Variants in ROBO1 observed in about 807,000 individuals in gnomAD.
ROBO1 encodes roundabout guidance receptor 1.
ROBO1 carries 149 observed loss-of-function variants against 195.9 expected under a neutral mutation model. The observed-to-expected ratio is 0.76, with a 90% CI of 0.67 to 0.87. ROBO1 has a LOEUF of 0.87. Ranked by LOEUF, ROBO1 falls within the 40% of genes least tolerant of loss-of-function variation. The probability of loss-of-function intolerance (pLI) is 0.00; values close to 1 mark genes in which losing one functional copy is unlikely to be tolerated. For synonymous variants in ROBO1, 816 were observed against 733.2 expected, an observed-to-expected ratio of 1.11 and a Z score of -1.82; for missense variants, 1,933 against 2,068.3, an observed-to-expected ratio of 0.93 and a Z score of 1.27.
chr3:78,843,422 T>G (rs2033420935), intron 4 of ROBO1, among the ~76,000 whole-genome samples: 1 of 152,050 alleles, frequency 6.6e-6, no homozygotes, highest in African/African-American at 2.4e-5. Flanking sequence ...GAAACATTTT[T>G]TAGGTATATA....
At chr3:79,252,330 G>A (rs1471591109) in intron 2 of ROBO1, among the ~76,000 whole-genome samples, 3 of 152,140 alleles carry the variant, frequency 2.0e-5, no homozygotes, top group Non-Finnish European at 4.4e-5. Flanking sequence ...TTTAGGGTAA[G>A]TGTCCTTATC....
Position 79,557,135 on chromosome 3 carries a change from A to T in ROBO1, c.88+32689T>A, listed in dbSNP as rs1942731851. 2.6e-5 allele frequency among the ~76,000 whole-genome samples: 4 copies of T among 151,642 alleles called. No individual in the cohort carries two copies. The South Asian group carries it at 6.2e-4, about 24-fold the overall frequency. On this transcript the variant is annotated intron_variant, in intron 2 of 30. Transcript: ENST00000464233. ...AAGTTCCTAGAGTTGAGTTTAAGCC[A>T]TTTTATTTTGTGTTTAAAATTATTA...
chr3:79,483,536 C>G (rs561191953), intron 2 of ROBO1, among the ~76,000 whole-genome samples: 1 of 152,294 alleles, frequency 6.6e-6, no homozygotes, highest in African/African-American at 2.4e-5. Flanking sequence ...GGTACTTTCA[C>G]AAACCTAGAT....
chr3:79,652,803 A>C (rs116163510), intron 1 of ROBO1, among the ~76,000 whole-genome samples: 2,991 of 152,124 alleles, frequency 0.02, 105 homozygotes, highest in African/African-American at 0.069. Flanking sequence ...CCCACAGGAA[A>C]CAAAGACTTC....
intron 1 of ROBO1, among the ~76,000 whole-genome samples, chr3:79,644,942 A>G (rs1945774735): frequency 6.6e-6 from 1 of 152,200 alleles, no homozygotes; most frequent in Admixed American, 6.5e-5. Context: ...TGGAAATTAA[A>G]TGACATGCTT....
At chr3:79,529,613 C>G (rs1036285958) in intron 2 of ROBO1, among the ~76,000 whole-genome samples, 2 of 152,168 alleles carry the variant, frequency 1.3e-5, no homozygotes, top group Non-Finnish European at 2.9e-5. Context: ...ATAACAGAGA[C>G]AGCTAATAAG....
chr3:79,026,450 G>T (rs75442317), intron 3 of ROBO1, among the ~76,000 whole-genome samples: 1,606 of 152,100 alleles, frequency 0.011, 32 homozygotes, highest in African/African-American at 0.037. Flanking sequence ...CTCAATTCAA[G>T]AAAATGACTC....
At chr3:78,941,761 G>A (rs1233370658) in intron 3 of ROBO1, among the ~76,000 whole-genome samples, 10 of 152,150 alleles carry the variant, frequency 6.6e-5, no homozygotes. Flanking sequence ...TGAGTATAAG[G>A]TGCATTTCAG....
chr3:79,166,722 C>T (rs1482385560), intron 2 of ROBO1, among the ~76,000 whole-genome samples: 4 of 151,708 alleles, frequency 2.6e-5, no homozygotes, highest in Non-Finnish European at 4.4e-5. Flanking sequence ...CCCGCCACCA[C>T]GCCTGGCTAA....
intron 1 of ROBO1, among the ~76,000 whole-genome samples, chr3:79,668,391 T>A (rs1368023028): frequency 7.0e-6 from 1 of 143,116 alleles, no homozygotes; most frequent in East Asian, 2.1e-4. Context: ...ATATTAAGTT[T>A]CTTGACTAGA....
Position 78,651,852 on chromosome 3 carries a change from C to T in ROBO1, c.2692G>A (p.Ala898Thr). ...QQISDVVKQP[A>T]FIAGIGAACW... ...GCTGCTCCAATACCTGCTATGAAGG[C>T]CGGCTGCTTCACCACATCTGAAATC... The change falls in exon 19 of 31, where the codon GCC becomes ACC. Residue 898 changes from alanine to threonine, a missense_variant. Coordinates refer to ENST00000464233, the MANE Select transcript of ROBO1 (RefSeq NM_002941.4). 1 of 1,613,780 alleles carries T rather than the reference C, an allele frequency of 6.2e-7. No homozygotes were observed. The highest frequency in any genetic ancestry group is 2.2e-5 in the East Asian group (1 of 44,866).
At chr3:78,834,402 A>C (rs2032512482) in intron 4 of ROBO1, among the ~76,000 whole-genome samples, 1 of 150,308 alleles carries the variant, frequency 6.7e-6, no homozygotes, top group African/African-American at 2.5e-5. Flanking sequence ...GGAAAGAATA[A>C]CTTGATGGTG....
At chr3:79,219,280 A>G (rs2082099835) in intron 2 of ROBO1, among the ~76,000 whole-genome samples, 1 of 151,968 alleles carries the variant, frequency 6.6e-6, no homozygotes. Flanking sequence ...TAAATATTAC[A>G]CGAAGCTGAC....
chr3:79,370,388 T>G (rs1016245033), intron 2 of ROBO1, among the ~76,000 whole-genome samples: 2 of 151,914 alleles, frequency 1.3e-5, no homozygotes, highest in African/African-American at 2.4e-5. Context: ...AAAACACAAC[T>G]AACTTTTTCA....
chr3:79,253,864 T>C (rs752707129), intron 2 of ROBO1, among the ~76,000 whole-genome samples: 3 of 152,206 alleles, frequency 2.0e-5, no homozygotes, highest in Non-Finnish European at 2.9e-5. Context: ...ATGGATTTTT[T>C]CAAGTGATTA....
At chr3:78,867,257 A>AAC (rs1313992563) in intron 4 of ROBO1, among the ~76,000 whole-genome samples, 66 of 152,312 alleles carry the variant, frequency 4.3e-4, no homozygotes, top group African/African-American at 1.6e-3. Flanking sequence ...GAAACTGGAA[A>AAC]ACTGCCTCCT....
At chr3:79,077,593 A>G (rs1018057334) in intron 3 of ROBO1, among the ~76,000 whole-genome samples, 7 of 151,890 alleles carry the variant, frequency 4.6e-5, no homozygotes, top group Non-Finnish European at 1.0e-4. Context: ...AAATTCTTAT[A>G]TGCATTATTA....
At chr3:78,805,495 G>T (rs948522973) in intron 4 of ROBO1, among the ~76,000 whole-genome samples, 1 of 151,932 alleles carries the variant, frequency 6.6e-6, no homozygotes, top group African/African-American at 2.4e-5. Flanking sequence ...CTAAACAAAT[G>T]TATCTTTTGT....
At chr3:79,410,174 CT>C (rs1288677516) in intron 2 of ROBO1, among the ~76,000 whole-genome samples, 1 of 152,062 alleles carries the variant, frequency 6.6e-6, no homozygotes, top group Non-Finnish European at 1.5e-5. Flanking sequence ...TATCAGTTTC[CT>C]CATCTTTAAA....
Sources: gnomAD v4.1 joint callset for allele counts (sites outside exome capture counted in the v4.1 genomes callset) on GRCh38, gnomAD v4.1.1 for gene constraint, MANE v1.5 for transcripts, NCBI Gene and HGNC (gene_info 2026-07-23, HGNC 2026-07-21) for gene names.